The following SERPINB7 variants were observed in gnomAD, a reference collection of about 807,000 sequenced individuals.
SERPINB7 encodes the protein serpin family B member 7.
In SERPINB7, 31 loss-of-function variants were observed where a neutral mutation model predicts 37.4. The observed-to-expected ratio is 0.83, with a 90% CI of 0.62 to 1.12. The LOEUF (loss-of-function observed/expected upper bound fraction) is 1.12. Among genes scored for constraint, SERPINB7 ranks in the 50% most tolerant of loss-of-function variants. The probability of loss-of-function intolerance (pLI) is 0.00; values close to 1 mark genes in which losing one functional copy is unlikely to be tolerated. For missense variants in SERPINB7, 521 were observed against 455.3 expected, an observed-to-expected ratio of 1.14 and a Z score of -1.31; for synonymous variants, 163 against 166.1, an observed-to-expected ratio of 0.98 and a Z score of 0.14.
chr18:63,765,315 A>G (rs920470814), intron 1 of SERPINB7, among the ~76,000 whole-genome samples: 1 of 152,018 alleles, frequency 6.6e-6, no homozygotes, highest in African/African-American at 2.4e-5. Flanking sequence ...TGAAGATTCT[A>G]CCTCCTAAAT....
intron 6 of SERPINB7, 151 bp downstream of exon 6, chr18:63,798,897 A>G: frequency 1.3e-6 from 1 of 770,728 alleles, no homozygotes; most frequent in African/African-American, 1.8e-5. Context: ...GTTGCTTTAT[A>G]AAGCAAACTT....
At chr18:63,801,353 G>A (rs1397636471) in intron 7 of SERPINB7, among the ~76,000 whole-genome samples, 2 of 152,176 alleles carry the variant, frequency 1.3e-5, no homozygotes, top group Non-Finnish European at 2.9e-5. Flanking sequence ...AATTTTGCTA[G>A]ACTGAGCATC....
At chr18:63,772,698 C>T (rs2049218109), upstream of SERPINB7, among the ~76,000 whole-genome samples, 1 of 152,068 alleles carries the variant, frequency 6.6e-6, no homozygotes, top group African/African-American at 2.4e-5. Context: ...TCATGAATCT[C>T]ATAGAACTAA....
In SERPINB7 at chr18:63,802,098, G is replaced by A. The variant is rs188179097; in HGVS notation, c.744+1086G>A. 2.0e-5 allele frequency among the ~76,000 whole-genome samples: 3 copies of A among 152,306 alleles called. No homozygotes were observed. In the East Asian group the frequency reaches 5.8e-4, roughly 29 times the overall value. On this transcript the variant is annotated intron_variant, in intron 7 of 7. Coordinates refer to ENST00000398019, the MANE Select transcript of SERPINB7 (RefSeq NM_003784.4). ...ACCAACAACATCTTGGAGGTTAGCAGCAAGATCAAGTCAACTATGTCAGAT... is the reference window on the plus strand; with the variant it reads ...ACCAACAACATCTTGGAGGTTAGCAACAAGATCAAGTCAACTATGTCAGAT...
intron 1 of SERPINB7, among the ~76,000 whole-genome samples, chr18:63,769,035 G>A (rs927648725): frequency 6.6e-6 from 1 of 152,068 alleles, no homozygotes; most frequent in Non-Finnish European, 1.5e-5. Context: ...TTTAGCTATC[G>A]TGAATGAATG....
upstream of SERPINB7, among the ~76,000 whole-genome samples, chr18:63,774,821 T>A (rs1730549918): frequency 6.6e-6 from 1 of 151,976 alleles, no homozygotes; most frequent in African/African-American, 2.4e-5. Flanking sequence ...ACAGGGCAAA[T>A]GTTTCTCTGG....
intron 4 of SERPINB7, among the ~76,000 whole-genome samples, chr18:63,794,097 C>A (rs2049458997): frequency 6.7e-6 from 1 of 150,188 alleles, no homozygotes; most frequent in South Asian, 2.1e-4. Context: ...GCACGTGCCA[C>A]CACATCCTGC....
rs1311349537 is a variant in SERPINB7 at position 63,804,900 on chromosome 18, C to G, written c.*265C>G. On this transcript the variant is annotated 3_prime_UTR_variant, in exon 8 of 8. Transcript: ENST00000398019. ...TTCCCACGCTCATTTCTATCATTCT[C>G]CCCCATGACCCGTCTGGAAATTATG... 2.3e-6 allele frequency: 1 copy of G among 426,186 alleles called. No homozygotes were observed. The highest frequency in any genetic ancestry group is 4.0e-5 in the Admixed American group (1 of 24,952). 26.4% of individuals were successfully genotyped at this position (426,186 alleles called of 1,614,324 possible). A position where few individuals can be genotyped will look rare whatever the true frequency, so the allele number is the denominator to read the frequency against.
intron 5 of SERPINB7, among the ~76,000 whole-genome samples, chr18:63,796,835 G>T (rs2049493866): frequency 6.6e-6 from 1 of 152,046 alleles, no homozygotes; most frequent in Non-Finnish European, 1.5e-5. Flanking sequence ...TTTAAAGATA[G>T]GGCTGATTTT....
chr18:63,768,442 A>G (rs376439626), intron 1 of SERPINB7, among the ~76,000 whole-genome samples: 2 of 152,104 alleles, frequency 1.3e-5, no homozygotes, highest in East Asian at 3.9e-4. Context: ...TGTGAGAAAC[A>G]CCTTTATTAC....
At chr18:63,793,944 C>T (rs2049456922) in intron 4 of SERPINB7, among the ~76,000 whole-genome samples, 1 of 149,220 alleles carries the variant, frequency 6.7e-6, no homozygotes, top group Admixed American at 6.7e-5. Context: ...TCTAGAGCTT[C>T]TCTCTCTCTC....
intron 1 of SERPINB7, among the ~76,000 whole-genome samples, chr18:63,755,061 G>A (rs1034841998): frequency 5.9e-5 from 9 of 151,560 alleles, no homozygotes; most frequent in Admixed American, 6.6e-5. Flanking sequence ...CACCGCGCCC[G>A]GCTAATTTTT....
chr18:63,793,255 A>G lies in SERPINB7; in HGVS notation c.314A>G (p.Glu105Gly). ...DLSIVNGLFAEKVYGFHKDYI... is the reference protein window; with the variant it reads ...DLSIVNGLFAGKVYGFHKDYI... ...AGCATTGTGAATGGGCTTTTTGCTG[A>G]AAAAGTGTATGGCTTTCATAAGGTA... The change falls in exon 4 of 8, where the codon GAA becomes GGA. Residue 105 changes from glutamate (E) to glycine (G), a missense_variant. Transcript: ENST00000398019. 6.3e-7 allele frequency: 1 copy of G among 1,595,338 alleles called. No homozygotes were observed. The highest frequency in any genetic ancestry group is 8.6e-7 in the Non-Finnish European group (1 of 1,166,792).
At chr18:63,762,674 C>A (rs181330337) in intron 1 of SERPINB7, among the ~76,000 whole-genome samples, 2 of 152,158 alleles carry the variant, frequency 1.3e-5, no homozygotes, top group African/African-American at 4.8e-5. Context: ...GTTAGAAGGC[C>A]TGATCTTTGC....
chr18:63,779,962 G>T (rs2049286145), intron 1 of SERPINB7, among the ~76,000 whole-genome samples: 1 of 151,940 alleles, frequency 6.6e-6, no homozygotes, highest in African/African-American at 2.4e-5. Context: ...GTATATTTTT[G>T]CACTTTGGGA....
At chr18:63,763,972 C>T (rs559291327) in intron 1 of SERPINB7, among the ~76,000 whole-genome samples, 7 of 152,276 alleles carry the variant, frequency 4.6e-5, no homozygotes, top group Admixed American at 3.9e-4. Context: ...CTAAATGGGT[C>T]ACTGTAGAGA....
At chr18:63,803,098 G>T (rs1010874986) in intron 7 of SERPINB7, among the ~76,000 whole-genome samples, 1 of 152,126 alleles carries the variant, frequency 6.6e-6, no homozygotes, top group African/African-American at 2.4e-5. Flanking sequence ...TGCACTTACT[G>T]TCTGAATTTT....
intron 7 of SERPINB7, among the ~76,000 whole-genome samples, chr18:63,803,935 C>T (rs1720869): frequency 0.016 from 2,361 of 152,300 alleles, 59 homozygotes; most frequent in African/African-American, 0.05. Flanking sequence ...GGTTCCTTCA[C>T]CTGTCTATTG....
chr18:63,783,676 TG>T, intron 2 of SERPINB7, among the ~76,000 whole-genome samples: 1 of 152,268 alleles, frequency 6.6e-6, no homozygotes, highest in African/African-American at 2.4e-5. Flanking sequence ...AAATTGCCAC[TG>T]AAACTCAGTA....
Sources: allele counts gnomAD v4.1 joint callset (sites outside exome capture counted in the v4.1 genomes callset), GRCh38; gene constraint gnomAD v4.1.1; transcripts MANE v1.5; gene names NCBI Gene and HGNC (gene_info 2026-07-23, HGNC 2026-07-21).